Variants in ARHGAP26 observed in about 807,000 individuals in gnomAD.
The protein encoded by ARHGAP26 is rho GTPase-activating protein 26.
ARHGAP26 carries 38 observed loss-of-function variants against 104.8 expected under a neutral mutation model. The ratio of observed to expected loss-of-function variants is 0.36; its 90% CI spans 0.28 to 0.48. The LOEUF (loss-of-function observed/expected upper bound fraction) is 0.48. Among genes scored for constraint, ARHGAP26 ranks in the 20% least tolerant of loss-of-function variants. The pLI is 0.99. For missense variants in ARHGAP26, 704 were observed against 947.9 expected, an observed-to-expected ratio of 0.74 and a Z score of 3.38; for synonymous variants, 341 against 340.0, an observed-to-expected ratio of 1.00 and a Z score of -0.03.
chr5:142,833,272 G>A (rs1768875795), intron 1 of ARHGAP26, among the ~76,000 whole-genome samples: 2 of 150,602 alleles, frequency 1.3e-5, no homozygotes, highest in Admixed American at 6.6e-5. Context: ...TGTTGACCAG[G>A]CTGGTCTCAA....
At chr5:143,032,544 C>T (rs1008087005) in intron 12 of ARHGAP26, among the ~76,000 whole-genome samples, 6 of 152,324 alleles carry the variant, frequency 3.9e-5, no homozygotes, top group South Asian at 2.1e-4. Flanking sequence ...CTCCATCTGG[C>T]GAGCCACTCA....
intron 11 of ARHGAP26, among the ~76,000 whole-genome samples, chr5:142,984,601 A>G (rs1049689070): frequency 6.6e-6 from 1 of 152,172 alleles, no homozygotes; most frequent in Non-Finnish European, 1.5e-5. Context: ...ATAGAAGTAG[A>G]TTTGCTTGAT....
Position 142,907,766 on chromosome 5 carries a change from A to G in ARHGAP26, c.895A>G (p.Thr299Ala), listed in dbSNP as rs764031140. The change falls in exon 9 of 23, where the codon ACC (threonine) becomes GCC (alanine). Residue 299 changes from threonine to alanine, a missense_variant. Thr to Ala is a moderately conservative substitution (Grantham distance 58). Around this residue, in one of 6 missense-constraint regions of ARHGAP26, gnomAD observed 287 missense variants for 438.8 expected, o/e 0.65. Coordinates refer to ENST00000645722, the MANE Select transcript of ARHGAP26 (RefSeq NM_001135608.3). ...CTYQRDSKQITMVPFDQKSGG... is the reference protein window; with the variant it reads ...CTYQRDSKQIAMVPFDQKSGG... ...ATATCAACGGGATTCCAAACAAATC[A>G]CCATGGTACCATTTGACCAAAAGTC... The G allele has an allele frequency of 5.6e-6, 9 of 1,611,926 alleles. No individual in the cohort carries two copies. In the East Asian group the frequency reaches 1.6e-4, roughly 28 times the overall value.
At position 142,832,959 on chromosome 5, in the gene ARHGAP26, A is replaced by G. The variant is rs145052990; in HGVS notation, c.155-40441A>G. ...TTTGATTATAAAAGAAGTGAAAACT[A>G]CCTGTATCTGTAGAATATTTGAAAA... On this transcript the variant is annotated intron_variant, in intron 1 of 22. Transcript: ENST00000645722. Among the ~76,000 whole-genome samples, 521 of 152,350 alleles carry G rather than the reference A, an allele frequency of 3.4e-3. 12 individuals carry two copies. Among genetic ancestry groups the G allele is most frequent in the Admixed American group, 0.031 (469 of 15,306 alleles).
In ARHGAP26 at chr5:142,772,493, G is replaced by C. The variant is rs372070632; in HGVS notation, c.154+1578G>C. ...CACTCAGCAAACTTTTGGTGTGATTGTGGTGTACTGGGTACTGCACTGGGC... is the reference window on the plus strand; with the variant it reads ...CACTCAGCAAACTTTTGGTGTGATTCTGGTGTACTGGGTACTGCACTGGGC... On this transcript the variant is annotated intron_variant, in intron 1 of 22. Coordinates refer to ENST00000645722, the MANE Select transcript of ARHGAP26 (RefSeq NM_001135608.3). Among the ~76,000 whole-genome samples, 7 of 152,346 alleles carry C rather than the reference G, an allele frequency of 4.6e-5. No individual in the cohort carries two copies. The East Asian group carries it at 1.3e-3, about 29-fold the overall frequency.
intron 12 of ARHGAP26, among the ~76,000 whole-genome samples, chr5:143,020,712 C>T (rs1283096044): frequency 3.6e-5 from 5 of 138,964 alleles, no homozygotes; most frequent in African/African-American, 1.3e-4. Flanking sequence ...GATCTCCGCT[C>T]ACTGCAAGCT....
At chr5:143,210,592 CT>C (rs1359739509) in intron 21 of ARHGAP26, among the ~76,000 whole-genome samples, 1 of 152,210 alleles carries the variant, frequency 6.6e-6, no homozygotes, top group African/African-American at 2.4e-5. Context: ...TTGCTCACCC[CT>C]CCCCCAAAAA....
At chr5:143,090,585 G>A (rs1344655721) in intron 17 of ARHGAP26, among the ~76,000 whole-genome samples, 1 of 152,304 alleles carries the variant, frequency 6.6e-6, no homozygotes, top group African/African-American at 2.4e-5. Flanking sequence ...GTCTGTCCCT[G>A]AAACCTCAGC....
intron 20 of ARHGAP26, among the ~76,000 whole-genome samples, chr5:143,203,906 CG>C (rs1808164314): frequency 6.7e-6 from 1 of 149,914 alleles, no homozygotes; most frequent in African/African-American, 2.5e-5. Context: ...CATCACACAC[CG>C]GGGCCTGTCA....
chr5:142,840,948 GTTT>G (rs756052666), intron 1 of ARHGAP26, among the ~76,000 whole-genome samples: 8 of 152,274 alleles, frequency 5.3e-5, no homozygotes, highest in Middle Eastern at 3.4e-3. Flanking sequence ...GAATTTATGT[GTTT>G]TCCTTGAGAT....
chr5:143,068,525 G>A lies in ARHGAP26; in HGVS notation c.1538+10778G>A, dbSNP rs553160238. On this transcript the variant is annotated intron_variant, in intron 17 of 22. Transcript: ENST00000645722. ...GGACACTAGAGCCGATTGACTCCCC[G>A]TTGGATCTGTAAGGACTTGGGTGCT... Among the ~76,000 whole-genome samples the A allele has an allele frequency of 2.0e-5, 3 of 152,292 alleles. No homozygotes were observed. The South Asian group carries it at 6.2e-4, about 32-fold the overall frequency.
intron 11 of ARHGAP26, among the ~76,000 whole-genome samples, chr5:143,010,230 A>G (rs1272825901): frequency 1.3e-5 from 2 of 152,234 alleles, no homozygotes; most frequent in East Asian, 3.8e-4. Context: ...AGTGATATAC[A>G]TTTGCCACTG....
intron 1 of ARHGAP26, among the ~76,000 whole-genome samples, chr5:142,772,253 AC>A (rs1263249567): frequency 6.6e-6 from 1 of 152,386 alleles, no homozygotes; most frequent in African/African-American, 2.4e-5. Flanking sequence ...TGAAATGAAC[AC>A]AGGACTGTGA....
Position 143,003,498 on chromosome 5 carries a change from G to C in ARHGAP26, c.1108-10582G>C, listed in dbSNP as rs151133517. Among the ~76,000 whole-genome samples, 105 of 152,246 alleles carry C rather than the reference G, an allele frequency of 6.9e-4. 1 individual carries two copies. The East Asian group carries it at 0.017, about 25-fold the overall frequency. ...GAATATATGCAAACATTTAGATGCC[G>C]CATAGATCACTTCCCCTAAACCCTG... On this transcript the variant is annotated intron_variant, in intron 11 of 22. Coordinates refer to ENST00000645722, the MANE Select transcript of ARHGAP26 (RefSeq NM_001135608.3).
intron 22 of ARHGAP26, among the ~76,000 whole-genome samples, chr5:143,221,579 T>TC: frequency 6.6e-6 from 1 of 152,082 alleles, no homozygotes; most frequent in Non-Finnish European, 1.5e-5. Flanking sequence ...AGTGGTGCAA[T>TC]CACGGCTCAC....
chr5:142,904,525 G>GAGA (rs1554145970), intron 8 of ARHGAP26, among the ~76,000 whole-genome samples: 46 of 142,080 alleles, frequency 3.2e-4, no homozygotes, highest in Non-Finnish European at 5.0e-4. Flanking sequence ...TCTCTTAAAA[G>GAGA]AAAAAAAAAA....
chr5:143,087,024 T>A (rs1790691802), intron 17 of ARHGAP26, among the ~76,000 whole-genome samples: 1 of 152,256 alleles, frequency 6.6e-6, no homozygotes, highest in South Asian at 2.1e-4. Flanking sequence ...TCCAAAAAGA[T>A]TCCCAAGCAC....
At chr5:143,205,806 G>T (rs1808464195) in intron 20 of ARHGAP26, among the ~76,000 whole-genome samples, 1 of 152,206 alleles carries the variant, frequency 6.6e-6, no homozygotes, top group Non-Finnish European at 1.5e-5. Flanking sequence ...GTGGGTAAAT[G>T]AGACTCATTA....
At position 142,871,439 on chromosome 5, in the gene ARHGAP26, A is replaced by C. The variant is rs1755290151; in HGVS notation, c.155-1961A>C. On this transcript the variant is annotated intron_variant, in intron 1 of 22. Coordinates refer to ENST00000645722, the MANE Select transcript of ARHGAP26 (RefSeq NM_001135608.3). The surrounding 1 kb of genome is among the most constrained non-coding windows in gnomAD (Gnocchi z 4.1). ...TGAGATGATTGAGTTTCTCTTGCTT[A>C]TGGGGGAGGCACAGGATTGTCGGGT... Among the ~76,000 whole-genome samples the C allele has an allele frequency of 6.6e-6, 1 of 152,086 alleles. No homozygotes were observed. The highest frequency in any genetic ancestry group is 2.1e-4 in the South Asian group (1 of 4,822).
Sources: allele counts gnomAD v4.1 joint callset (sites outside exome capture counted in the v4.1 genomes callset), GRCh38; gene constraint gnomAD v4.1.1; regional missense constraint gnomAD v4.1.1; non-coding constraint Gnocchi (gnomAD v3.1); transcripts MANE v1.5; gene names NCBI Gene and HGNC (gene_info 2026-07-23, HGNC 2026-07-21).